STARD9: variants seen among roughly 807,000 people sequenced by gnomAD.
STARD9 encodes StAR related lipid transfer domain containing 9.
A neutral mutation model predicts 399.8 loss-of-function variants in STARD9; 346 were observed. The observed-to-expected ratio is 0.87, with a 90% confidence interval of 0.79 to 0.95. STARD9 has a LOEUF of 0.95. Ranked by LOEUF, STARD9 falls within the 40% of genes least tolerant of loss-of-function variation. The probability of loss-of-function intolerance (pLI) is 0.00; values close to 1 mark genes in which losing one functional copy is unlikely to be tolerated. For missense variants in STARD9, 5,832 were observed against 5,667.5 expected, an observed-to-expected ratio of 1.03 and a Z score of -0.93; for synonymous variants, 2,203 against 2,143.5, an observed-to-expected ratio of 1.03 and a Z score of -0.77.
intron 1 of STARD9, among the ~76,000 whole-genome samples, chr15:42,579,707 A>G (rs530251956): frequency 2.6e-5 from 4 of 152,302 alleles, no homozygotes; most frequent in South Asian, 4.1e-4. Flanking sequence ...GCAGATCCAC[A>G]AAGGAAAAAA....
intron 3 of STARD9, among the ~76,000 whole-genome samples, chr15:42,628,339 A>G (rs1373108041): frequency 6.6e-6 from 1 of 152,154 alleles, no homozygotes; most frequent in Non-Finnish European, 1.5e-5. Context: ...ATCCTTTGTC[A>G]GATGGATAGT....
intron 7 of STARD9, among the ~76,000 whole-genome samples, chr15:42,647,633 T>C (rs1034788796): frequency 6.6e-6 from 1 of 152,170 alleles, no homozygotes; most frequent in African/African-American, 2.4e-5. Context: ...TTCAGATGTG[T>C]TTTTTATTTT....
At chr15:42,674,752 A>T in intron 17 of STARD9, 75 bp from the exon 18 acceptor site, 1 of 1,452,156 alleles carries the variant, frequency 6.9e-7, no homozygotes, top group South Asian at 1.4e-5. Flanking sequence ...TTGGATTCTG[A>T]TCTCACAGAA....
Position 42,717,685 on chromosome 15 carries a change from G to T in STARD9, c.13495-46G>T, listed in dbSNP as rs899011025. The T allele has an allele frequency of 7.9e-6, 12 of 1,520,666 alleles. No individual in the cohort carries two copies. The African/African-American group carries it at 1.7e-4, about 21-fold the overall frequency. The allele number at this position is 1,520,666 out of a possible 1,614,324, so 94.2% of individuals were successfully genotyped here. A position where few individuals can be genotyped will look rare whatever the true frequency, so the allele number is the denominator to read the frequency against. ...CCAGACTGACTAACCCAGGGGCTTA[G>T]TTTTTACTGTGCCTCCTAATTTGGG... On this transcript the variant is annotated intron_variant, in intron 28 of 32. Transcript: ENST00000290607.
chr15:42,632,161 T>G (rs549994482), intron 3 of STARD9, among the ~76,000 whole-genome samples: 68 of 152,322 alleles, frequency 4.5e-4, no homozygotes, highest in African/African-American at 1.4e-3. Context: ...GTTACATCCT[T>G]TTGCTGAATT....
intron 25 of STARD9, 56 bp downstream of exon 25, chr15:42,695,379 C>G: frequency 7.0e-7 from 1 of 1,437,628 alleles, no homozygotes; most frequent in Non-Finnish European, 9.3e-7. Flanking sequence ...CAGACTGGTA[C>G]ACCTTCACCG....
chr15:42,594,329 T>C (rs796367289), intron 3 of STARD9, among the ~76,000 whole-genome samples: 2 of 152,318 alleles, frequency 1.3e-5, no homozygotes, highest in African/African-American at 4.8e-5. Context: ...GATCCTGCGA[T>C]GGGAAGGCAG....
At chr15:42,622,377 C>CT (rs1396116542) in intron 3 of STARD9, among the ~76,000 whole-genome samples, 2 of 152,100 alleles carry the variant, frequency 1.3e-5, no homozygotes, top group East Asian at 1.9e-4. Context: ...CTGTCTCTCT[C>CT]TTTTTTTAGA....
At chr15:42,678,104 C>A (rs571579188) in intron 20 of STARD9, among the ~76,000 whole-genome samples, 2 of 152,318 alleles carry the variant, frequency 1.3e-5, no homozygotes, top group African/African-American at 4.8e-5. Context: ...CTGGTCCTGC[C>A]CAGCTACTGT....
chr15:42,608,779 ATG>A (rs1040675543), intron 3 of STARD9, among the ~76,000 whole-genome samples: 1 of 152,246 alleles, frequency 6.6e-6, no homozygotes, highest in African/African-American at 2.4e-5. Context: ...TGACCTGGTA[ATG>A]TTTATCTTGC....
chr15:42,689,463 G>A lies in STARD9; in HGVS notation c.7885G>A (p.Asp2629Asn). 6.5e-7 allele frequency: 1 copy of A among 1,537,336 alleles called. No homozygotes were observed. The highest frequency in any genetic ancestry group is 8.7e-7 in the Non-Finnish European group (1 of 1,146,942). ...TCTATCTGCTGAAGCAGGGCAGATA[G>A]ATCTGTTACCTGATGAGAGGAAAGT... Reference protein sequence around the residue: ...ASLSAEAGQIDLLPDERKVQA... With the variant: ...ASLSAEAGQINLLPDERKVQA... The change falls in exon 23 of 33, where the codon GAT (aspartate) becomes AAT (asparagine). Residue 2629 changes from aspartate (D) to asparagine (N), a missense_variant. By Grantham distance (23) the Asp-to-Asn change is conservative (BLOSUM62 1). Coordinates refer to ENST00000290607, the MANE Select transcript of STARD9 (RefSeq NM_020759.3).
At chr15:42,657,415 T>C (rs909892275) in intron 9 of STARD9, among the ~76,000 whole-genome samples, 6 of 150,040 alleles carry the variant, frequency 4.0e-5, no homozygotes, top group Admixed American at 3.3e-4. Context: ...TATTTCATAA[T>C]GATAAAGGGT....
At position 42,688,511 on chromosome 15, in the gene STARD9, A is replaced by G. The variant is rs899275622; in HGVS notation, c.6933A>G (p.Glu2311=). 1.6e-5 allele frequency: 24 copies of G among 1,537,778 alleles called. No individual in the cohort carries two copies. Among genetic ancestry groups the G allele is most frequent in the Non-Finnish European group, 1.9e-5 (22 of 1,147,066 alleles). The change falls in exon 23 of 33, where the codon GAA becomes GAG. Residue 2311 remains glutamate (E), a synonymous_variant. Transcript: ENST00000290607. The stretch of plus-strand genomic sequence containing the variant: ...GTAGGGACACGTTTTTCAGGCAGGA[A>G]ACTGTCAGCCCATTACTAAGCCGGA... ...QLCRDTFFRQ[E]TVSPLLSRTE...
Position 42,692,889 on chromosome 15 carries a change from G to A in STARD9, c.11311G>A (p.Val3771Met), listed in dbSNP as rs368912728. ...AGGGCTAGGCTCAGATACCTCGACT[G>A]TGTCTCAAGAAGAGGGAGATGTGCC... is the stretch of plus-strand genomic sequence containing the variant. Reference protein sequence around the residue: ...LEGLGSDTSTVSQEEGDVPGV... With the variant: ...LEGLGSDTSTMSQEEGDVPGV... The change falls in exon 23 of 33, where the codon GTG becomes ATG. Residue 3771 changes from valine to methionine, a missense_variant. Val to Met is a conservative substitution (Grantham distance 21, BLOSUM62 1). Around this residue, in one of 2 missense-constraint regions of STARD9, gnomAD observed 5,828 missense variants for 5,651.1 expected, o/e 1.03. Coordinates refer to ENST00000290607, the MANE Select transcript of STARD9 (RefSeq NM_020759.3). 2 of 1,537,138 alleles carry A rather than the reference G, an allele frequency of 1.3e-6. No homozygotes were observed. Among genetic ancestry groups the A allele is most frequent in the Non-Finnish European group, 1.7e-6 (2 of 1,146,922 alleles).
intron 7 of STARD9, among the ~76,000 whole-genome samples, chr15:42,643,358 G>A (rs1011044863): frequency 5.9e-5 from 9 of 152,012 alleles, no homozygotes; most frequent in African/African-American, 2.2e-4. Flanking sequence ...CACCATGCCT[G>A]GCTAATTTTG....
At chr15:42,583,074 A>G (rs979039568) in intron 1 of STARD9, among the ~76,000 whole-genome samples, 1 of 152,240 alleles carries the variant, frequency 6.6e-6, no homozygotes, top group Non-Finnish European at 1.5e-5. Flanking sequence ...CGTAAGATGA[A>G]GAACAATATG....
intron 9 of STARD9, among the ~76,000 whole-genome samples, chr15:42,659,225 T>C (rs2059944159): frequency 6.6e-6 from 1 of 152,120 alleles, no homozygotes; most frequent in Admixed American, 6.5e-5. Context: ...TATAAAGAAC[T>C]CTCTAAACAC....
Position 42,690,015 on chromosome 15 carries a change from G to T in STARD9, c.8437G>T (p.Glu2813Ter). Residue 2813 changes from glutamate (E) to a stop codon, truncating the protein, a stop_gained, in exon 23 of 33, where the codon GAA (glutamate) becomes TAA (stop). Transcript: ENST00000290607. LOFTEE classifies it high-confidence loss of function. ...TAQGEKTAHF[E>*]SQSVTCDVQN... ...ACAGGGAGAAAAAACAGCCCATTTT[G>T]AAAGTCAGTCTGTGACCTGTGATGT... The T allele has an allele frequency of 6.5e-7, 1 of 1,537,330 alleles. No individual in the cohort carries two copies. The highest frequency in any genetic ancestry group is 8.7e-7 in the Non-Finnish European group (1 of 1,146,966).
rs71947615 is a variant in STARD9 at position 42,588,208 on chromosome 15, ATGTGTGTGTGTGTG to A, written c.234+2577_234+2590del. Among the ~76,000 whole-genome samples the A allele has an allele frequency of 2.7e-5, 4 of 150,372 alleles. No homozygotes were observed. The East Asian group carries it at 5.9e-4, about 22-fold the overall frequency. ...GGGTGTGTGAATGTGTTAAAATTTT[ATGTGTGTGTGTGTG>A]TGTGTCTGTGTGTGTGTATTAGTAT... On this transcript the variant is annotated intron_variant, in intron 3 of 32. Transcript: ENST00000290607.
Sources: allele counts gnomAD v4.1 joint callset (sites outside exome capture counted in the v4.1 genomes callset), GRCh38; gene constraint gnomAD v4.1.1; regional missense constraint gnomAD v4.1.1; transcripts MANE v1.5; gene names NCBI Gene and HGNC (gene_info 2026-07-23, HGNC 2026-07-21).